TBC1D32: variants seen among roughly 807,000 people sequenced by gnomAD.
The protein encoded by TBC1D32 is protein broad-minded.
TBC1D32 carries 151 observed loss-of-function variants against 170.3 expected under a neutral mutation model. The observed-to-expected ratio is 0.89, with a 90% confidence interval of 0.78 to 1.01. TBC1D32 has a LOEUF of 1.01. Among genes scored for constraint, TBC1D32 ranks in the 50% least tolerant of loss-of-function variants. The pLI, the probability that TBC1D32 is intolerant of heterozygous loss-of-function variation, is 0.00. For missense variants in TBC1D32, 1,464 were observed against 1,457.1 expected (o/e 1.00, Z -0.08); for synonymous variants, 498 against 488.0 (o/e 1.02, Z -0.27).
At chr6:121,090,823 A>G (rs778488126) in intron 31 of TBC1D32, 30 bp downstream of exon 31, 15 of 1,585,754 alleles carry the variant, frequency 9.5e-6, no homozygotes, top group Non-Finnish European at 1.3e-5. Context: ...TATTAACTCA[A>G]CATTTTCCTC....
intron 24 of TBC1D32, among the ~76,000 whole-genome samples, chr6:121,136,017 C>CT: frequency 6.6e-6 from 1 of 152,080 alleles, no homozygotes; most frequent in Non-Finnish European, 1.5e-5. Context: ...CTAATAATGT[C>CT]TAATGCCCCC....
chr6:121,315,301 A>G (rs1338341658), intron 3 of TBC1D32, among the ~76,000 whole-genome samples: 3 of 152,202 alleles, frequency 2.0e-5, no homozygotes, highest in Non-Finnish European at 4.4e-5. Context: ...GGACCAGTAT[A>G]TGGCAGGTAT....
At chr6:121,226,372 A>T (rs1318390746) in intron 20 of TBC1D32, among the ~76,000 whole-genome samples, 1 of 152,216 alleles carries the variant, frequency 6.6e-6, no homozygotes, top group Non-Finnish European at 1.5e-5. Flanking sequence ...GTAAGTCTGT[A>T]TAAGTAGCAG....
intron 10 of TBC1D32, among the ~76,000 whole-genome samples, chr6:121,294,894 T>A (rs976894266): frequency 1.3e-5 from 2 of 152,184 alleles, no homozygotes; most frequent in African/African-American, 4.8e-5. Flanking sequence ...AATGTTATAA[T>A]GTTGGTGTCA....
intron 2 of TBC1D32, among the ~76,000 whole-genome samples, chr6:121,318,512 A>C (rs1396681425): frequency 1.3e-5 from 2 of 152,176 alleles, no homozygotes; most frequent in Admixed American, 6.5e-5. Context: ...TCTATATTTA[A>C]AACAAAAAAG....
At chr6:121,124,890 T>C (rs528572956) in intron 26 of TBC1D32, among the ~76,000 whole-genome samples, 1 of 152,310 alleles carries the variant, frequency 6.6e-6, no homozygotes, top group East Asian at 1.9e-4. Context: ...TTAAGAATGA[T>C]TTCAATCTCT....
chr6:121,172,922 T>C (rs762730124), intron 22 of TBC1D32, among the ~76,000 whole-genome samples: 2 of 152,208 alleles, frequency 1.3e-5, no homozygotes, highest in Non-Finnish European at 2.9e-5. Flanking sequence ...TTGTTGCCTT[T>C]ATTTGAAGAT....
At chr6:121,091,085 A>G (rs1293989926) in intron 30 of TBC1D32, 44 bp from the exon 31 acceptor site, 1 of 1,478,560 alleles carries the variant, frequency 6.8e-7, no homozygotes, top group South Asian at 1.3e-5. Context: ...AATTTATAAA[A>G]CCACATTTGA....
At chr6:121,187,076 A>G (rs971449583) in intron 22 of TBC1D32, among the ~76,000 whole-genome samples, 2 of 152,126 alleles carry the variant, frequency 1.3e-5, no homozygotes, top group Admixed American at 6.6e-5. Flanking sequence ...GGAATAAATG[A>G]TTCCTTACTA....
At chr6:121,169,464 C>T (rs1186255669) in intron 22 of TBC1D32, among the ~76,000 whole-genome samples, 5 of 152,074 alleles carry the variant, frequency 3.3e-5, no homozygotes, top group Non-Finnish European at 7.4e-5. Context: ...ATTTTAAGTT[C>T]TCTTTGCTAG....
intron 22 of TBC1D32, among the ~76,000 whole-genome samples, chr6:121,177,396 C>T (rs1357214761): frequency 6.6e-6 from 1 of 152,116 alleles, no homozygotes; most frequent in Non-Finnish European, 1.5e-5. Context: ...CTTTGCCTTC[C>T]ACCATGATTG....
chr6:121,244,779 GGA>G (rs1398838956), intron 17 of TBC1D32, among the ~76,000 whole-genome samples: 2 of 152,118 alleles, frequency 1.3e-5, no homozygotes, highest in African/African-American at 4.8e-5. Flanking sequence ...GGGTCCATTG[GGA>G]GCCAATTTGT....
intron 30 of TBC1D32, among the ~76,000 whole-genome samples, chr6:121,105,561 G>A (rs1039415753): frequency 6.6e-6 from 1 of 151,886 alleles, no homozygotes; most frequent in African/African-American, 2.4e-5. Context: ...GACCACCAAG[G>A]TTGTGCACTG....
intron 22 of TBC1D32, chr6:121,162,908 T>C (rs1310540270): frequency 8.8e-6 from 1 of 113,928 alleles, no homozygotes; most frequent in African/African-American, 3.0e-5. Context: ...TTGCCTCACC[T>C]GGGAAGCGCA....
chr6:121,327,301 G>C (rs976656861), intron 1 of TBC1D32, among the ~76,000 whole-genome samples: 1 of 152,198 alleles, frequency 6.6e-6, no homozygotes, highest in African/African-American at 2.4e-5. Flanking sequence ...TTGCAATGGA[G>C]CTGGGATAAA....
chr6:121,248,506 A>C (rs1797909959), intron 17 of TBC1D32, among the ~76,000 whole-genome samples: 1 of 151,984 alleles, frequency 6.6e-6, no homozygotes, highest in Non-Finnish European at 1.5e-5. Flanking sequence ...AAAAATACAA[A>C]AGATAAATGA....
chr6:121,328,277 T>A (rs1469666712), intron 1 of TBC1D32, among the ~76,000 whole-genome samples: 4 of 151,822 alleles, frequency 2.6e-5, no homozygotes, highest in South Asian at 2.1e-4. Context: ...GTTTTTTATT[T>A]TTTATTTATT....
At chr6:121,111,621 G>A (rs1779213886) in intron 29 of TBC1D32, among the ~76,000 whole-genome samples, 1 of 151,948 alleles carries the variant, frequency 6.6e-6, no homozygotes, top group Admixed American at 6.6e-5. Flanking sequence ...TTCTCATTAT[G>A]GTGAAGAACA....
At chr6:121,305,487 T>G (rs946883413) in intron 5 of TBC1D32, among the ~76,000 whole-genome samples, 3 of 151,940 alleles carry the variant, frequency 2.0e-5, no homozygotes, top group African/African-American at 7.2e-5. Context: ...ATAGTGAAAT[T>G]CAACTTTCCA....
Sources: allele counts gnomAD v4.1 joint callset (sites outside exome capture counted in the v4.1 genomes callset), GRCh38; gene constraint gnomAD v4.1.1; transcripts MANE v1.5; gene names NCBI Gene and HGNC (gene_info 2026-07-23, HGNC 2026-07-21).